The following LRP11 variants were observed in gnomAD, a reference collection of about 807,000 sequenced individuals.
The protein encoded by LRP11 is LDL receptor related protein 11.
A neutral mutation model predicts 43.1 loss-of-function variants in LRP11; 25 were observed. The observed-to-expected ratio is 0.58, with a 90% CI of 0.42 to 0.81. LRP11 has a LOEUF of 0.81. LRP11 is among the 30% of genes least tolerant of loss of function. The pLI is 0.00. For missense variants in LRP11, 623 were observed against 665.1 expected, an observed-to-expected ratio of 0.94 and a Z score of 0.70; for synonymous variants, 316 against 299.4, an observed-to-expected ratio of 1.06 and a Z score of -0.57.
chr6:149,843,652 A>G (rs1449354617), intron 2 of LRP11, among the ~76,000 whole-genome samples: 1 of 152,042 alleles, frequency 6.6e-6, no homozygotes, highest in Non-Finnish European at 1.5e-5. Flanking sequence ...TCTCTTTCAA[A>G]TGGCTCTGCT....
chr6:149,826,434 C>T, intron 5 of LRP11, 75 bp from the exon 6 acceptor site: 2 of 1,052,904 alleles, frequency 1.9e-6, no homozygotes, highest in South Asian at 1.4e-5. Flanking sequence ...GAAAATACAG[C>T]CTTATTTTTT....
chr6:149,859,902 CTTAA>C (rs1171046707), intron 1 of LRP11, among the ~76,000 whole-genome samples: 1 of 151,944 alleles, frequency 6.6e-6, no homozygotes, highest in Non-Finnish European at 1.5e-5. Context: ...TAATCTATGG[CTTAA>C]TTTAAAAAAA....
intron 3 of LRP11, chr6:149,842,782 C>A: frequency 7.8e-7 from 1 of 1,283,678 alleles, no homozygotes; most frequent in Non-Finnish European, 1.1e-6. Flanking sequence ...GCTTCCTCCA[C>A]CCCAACCCAG....
intron 5 of LRP11, among the ~76,000 whole-genome samples, chr6:149,833,627 T>C (rs1433313956): frequency 1.3e-5 from 2 of 152,234 alleles, no homozygotes; most frequent in Non-Finnish European, 2.9e-5. Context: ...CTTTTAACTT[T>C]CTTTGTATTT....
intron 1 of LRP11, among the ~76,000 whole-genome samples, chr6:149,859,471 C>T (rs1407412535): frequency 2.1e-5 from 3 of 143,472 alleles, no homozygotes; most frequent in Non-Finnish European, 4.5e-5. Flanking sequence ...TCTCAGCTTA[C>T]TGTAACCTCC....
chr6:149,847,574 G>A (rs1173477479), intron 2 of LRP11, among the ~76,000 whole-genome samples: 1 of 152,098 alleles, frequency 6.6e-6, no homozygotes, highest in East Asian at 1.9e-4. Context: ...CAAGTATCAG[G>A]ATAAAAAACT....
intron 1 of LRP11, among the ~76,000 whole-genome samples, chr6:149,862,222 G>T (rs1314547096): frequency 6.6e-6 from 1 of 152,160 alleles, no homozygotes; most frequent in African/African-American, 2.4e-5. Context: ...AGGTGGGGAG[G>T]GAGGCAGGAT....
rs771659529 is a variant in LRP11 at position 149,826,303 on chromosome 6, C to G, written c.1309G>C (p.Gly437Arg). Residue 437 changes from glycine (G) to arginine (R), a missense_variant, in exon 6 of 7, where the codon GGT (glycine) becomes CGT (arginine). Physicochemically the swap from Gly to Arg is moderately radical, Grantham distance 125 (BLOSUM62 -2). Transcript: ENST00000239367. The part of the protein sequence containing the change: ...KEESYIFESK[G>R]DGGGGEHPAP... ...GGGTGTTCCCCTCCTCCTCCATCAC[C>G]CTTTGACTCAAATATATAACTTTCC... The G allele has an allele frequency of 6.2e-7, 1 of 1,613,824 alleles. No individual in the cohort carries two copies. The highest frequency in any genetic ancestry group is 8.5e-7 in the Non-Finnish European group (1 of 1,179,724).
chr6:149,852,953 A>T, intron 2 of LRP11, 50 bp downstream of exon 2: 1 of 1,496,848 alleles, frequency 6.7e-7, no homozygotes, highest in African/African-American at 1.4e-5. Flanking sequence ...ATTACAAAAG[A>T]CCACTTCACT....
At chr6:149,859,995 C>A (rs1480607723) in intron 1 of LRP11, among the ~76,000 whole-genome samples, 1 of 152,086 alleles carries the variant, frequency 6.6e-6, no homozygotes, top group Non-Finnish European at 1.5e-5. Context: ...ACACTGCCAA[C>A]CAGTTATCTT....
chr6:149,848,283 C>G lies in LRP11; in HGVS notation c.771+4720G>C, dbSNP rs144922346. Among the ~76,000 whole-genome samples the G allele has an allele frequency of 2.1e-3, 326 of 152,238 alleles. 1 individual carries two copies. Among genetic ancestry groups the G allele is most frequent in the African/African-American group, 7.6e-3 (316 of 41,548 alleles). ...GCTGGTGGGAGTGCAAATTAGTTCACCCATTGTGAAAAGTGGTGTACTGTG... is the reference window on the plus strand; with the variant it reads ...GCTGGTGGGAGTGCAAATTAGTTCAGCCATTGTGAAAAGTGGTGTACTGTG... On this transcript the variant is annotated intron_variant, in intron 2 of 6. Coordinates refer to ENST00000239367, the MANE Select transcript of LRP11 (RefSeq NM_032832.6).
intron 2 of LRP11, among the ~76,000 whole-genome samples, chr6:149,845,851 G>C (rs1776624486): frequency 1.3e-5 from 2 of 151,838 alleles, no homozygotes. Flanking sequence ...CTAGAACTCT[G>C]GTTTGAGACC....
rs1437793985 is a variant in LRP11 at position 149,820,457 on chromosome 6, A to G, written c.*92T>C. On this transcript the variant is annotated 3_prime_UTR_variant, in exon 7 of 7. Coordinates refer to ENST00000239367, the MANE Select transcript of LRP11 (RefSeq NM_032832.6). Reference sequence around the variant, plus strand: ...TTTGCAGAATCTTCTGGCCCAATTAAAAACAAAAGAAGCTGTAAATATCCA... The same window carrying G: ...TTTGCAGAATCTTCTGGCCCAATTAGAAACAAAAGAAGCTGTAAATATCCA... 1 of 569,164 alleles carries G rather than the reference A, an allele frequency of 1.8e-6. No homozygotes were observed. Among genetic ancestry groups the G allele is most frequent in the African/African-American group, 1.9e-5 (1 of 52,270 alleles). 35.3% of individuals were successfully genotyped at this position (569,164 alleles called of 1,614,324 possible). A position where few individuals can be genotyped will look rare whatever the true frequency, so the allele number is the denominator to read the frequency against.
At chr6:149,859,294 C>G (rs2115422306) in intron 1 of LRP11, among the ~76,000 whole-genome samples, 1 of 149,616 alleles carries the variant, frequency 6.7e-6, no homozygotes, top group East Asian at 2.0e-4. Flanking sequence ...GAACATTTTT[C>G]CATGTTTATC....
Position 149,863,425 on chromosome 6 carries a change from C to A in LRP11, c.596G>T (p.Arg199Leu), listed in dbSNP as rs1160018530. ...APDGAALATARASPRQEKDAP... is the reference protein window; with the variant it reads ...APDGAALATALASPRQEKDAP... ...GCGCTTACCCTGCCGGGGCGAGGCGCGCGCGGTGGCCAGGGCGGCGCCGTC... is the reference window on the plus strand; with the variant it reads ...GCGCTTACCCTGCCGGGGCGAGGCGAGCGCGGTGGCCAGGGCGGCGCCGTC... The change falls in exon 1 of 7, where the codon CGC (arginine) becomes CTC (leucine). Residue 199 changes from arginine to leucine, a missense_variant. Arg to Leu is a moderately radical substitution (Grantham distance 102, BLOSUM62 -2). Coordinates refer to ENST00000239367, the MANE Select transcript of LRP11 (RefSeq NM_032832.6). 1 of 1,315,416 alleles carries A rather than the reference C, an allele frequency of 7.6e-7. No individual in the cohort carries two copies. The highest frequency in any genetic ancestry group is 2.4e-5 in the South Asian group (1 of 42,340). 81.5% of individuals were successfully genotyped at this position (1,315,416 alleles called of 1,614,324 possible).
Position 149,859,377 on chromosome 6 carries a change from C to CATATATATATATATATAT in LRP11, c.613+4013_613+4030dup, listed in dbSNP as rs201050390. On this transcript the variant is annotated intron_variant, in intron 1 of 6. Transcript: ENST00000239367. ...TTTATTTTTATTTTTCTTGCTGACTCATATATATATATATATATATTTTTT... is the reference window on the plus strand; with the variant it reads ...TTTATTTTTATTTTTCTTGCTGACTCATATATATATATATATATATATATATATATATATATATTTTTT... 2.9e-4 allele frequency among the ~76,000 whole-genome samples: 15 copies of CATATATATATATATATAT among 51,576 alleles called. No homozygotes were observed. The East Asian group carries it at 6.4e-3, about 22-fold the overall frequency. 33.8% of individuals were successfully genotyped at this position (51,576 alleles called of 152,430 possible).
At chr6:149,823,969 T>C (rs1407810917) in intron 6 of LRP11, among the ~76,000 whole-genome samples, 1 of 152,090 alleles carries the variant, frequency 6.6e-6, no homozygotes, top group Non-Finnish European at 1.5e-5. Context: ...TGCCTCCTAG[T>C]CTCCACCTGA....
chr6:149,836,332 T>C (rs752137896), intron 4 of LRP11, 35 bp from the exon 5 acceptor site: 2 of 1,583,342 alleles, frequency 1.3e-6, no homozygotes, highest in Non-Finnish European at 1.7e-6. Flanking sequence ...AGTTGCTGGA[T>C]TTCTTTTCTG....
Position 149,820,084 on chromosome 6 carries a change from C to T in LRP11, c.*465G>A, listed in dbSNP as rs1431069010. ...GGCATGAACTTGCTTGAGATCCACT[C>T]TCAGAAACAGGTTTAGAGGGGAAAA... On this transcript the variant is annotated 3_prime_UTR_variant, in exon 7 of 7. Coordinates refer to ENST00000239367, the MANE Select transcript of LRP11 (RefSeq NM_032832.6). The T allele has an allele frequency of 6.5e-6, 1 of 154,248 alleles. No homozygotes were observed. The highest frequency in any genetic ancestry group is 1.4e-5 in the Non-Finnish European group (1 of 69,632). 9.6% of individuals were successfully genotyped at this position (154,248 alleles called of 1,614,324 possible). A position where few individuals can be genotyped will look rare whatever the true frequency, so the allele number is the denominator to read the frequency against.
Sources: allele counts gnomAD v4.1 joint callset (sites outside exome capture counted in the v4.1 genomes callset), GRCh38; gene constraint gnomAD v4.1.1; transcripts MANE v1.5; gene names NCBI Gene and HGNC (gene_info 2026-07-23, HGNC 2026-07-21).